The following SGCZ variants were observed in gnomAD, a reference collection of about 807,000 sequenced individuals.
SGCZ encodes zeta-sarcoglycan.
A neutral mutation model predicts 41.3 loss-of-function variants in SGCZ; 40 were observed. The observed-to-expected ratio is 0.97, with a 90% CI of 0.75 to 1.26. The LOEUF is 1.26. Among genes scored for constraint, SGCZ ranks in the 50% most tolerant of loss-of-function variants. SGCZ has a pLI of 0.00. For synonymous variants in SGCZ, 206 were observed against 137.5 expected (o/e 1.50, Z -3.49); for missense variants, 552 against 369.8 (o/e 1.49, Z -4.04).
At chr8:14,926,760 C>G (rs1022421021) in intron 1 of SGCZ, among the ~76,000 whole-genome samples, 2 of 152,038 alleles carry the variant, frequency 1.3e-5, no homozygotes, top group African/African-American at 4.8e-5. Flanking sequence ...CCTGCCTCAG[C>G]CTCCCAAGTA....
intron 4 of SGCZ, among the ~76,000 whole-genome samples, chr8:14,200,783 T>C (rs1227940566): frequency 1.3e-5 from 2 of 152,166 alleles, no homozygotes; most frequent in Non-Finnish European, 2.9e-5. Context: ...TGATGCATTC[T>C]AAAATGAATG....
At chr8:14,628,273 T>C (rs1429517058) in intron 1 of SGCZ, among the ~76,000 whole-genome samples, 3 of 152,078 alleles carry the variant, frequency 2.0e-5, no homozygotes, top group Admixed American at 1.3e-4. Flanking sequence ...AAATATTGTA[T>C]ACATCTCTTA....
chr8:14,196,044 A>G (rs1175442222), intron 4 of SGCZ, among the ~76,000 whole-genome samples: 1 of 152,104 alleles, frequency 6.6e-6, no homozygotes, highest in Non-Finnish European at 1.5e-5. Flanking sequence ...AACAAAAATA[A>G]TAATGTTTTG....
intron 1 of SGCZ, among the ~76,000 whole-genome samples, chr8:14,603,415 A>G (rs1021408249): frequency 7.9e-5 from 12 of 152,200 alleles, no homozygotes; most frequent in Non-Finnish European, 1.2e-4. Flanking sequence ...TGTTATCTAT[A>G]TAAAGATTTT....
chr8:14,111,057 TAATAACAAC>T (rs1156811060), intron 5 of SGCZ, among the ~76,000 whole-genome samples: 1 of 46,512 alleles, frequency 2.1e-5, no homozygotes, highest in Admixed American at 2.7e-4. Flanking sequence ...ATATTAAAAA[TAATAACAAC>T]AACAACAACA....
chr8:14,735,829 G>A (rs1002228105), intron 1 of SGCZ, among the ~76,000 whole-genome samples: 1 of 152,184 alleles, frequency 6.6e-6, no homozygotes, highest in African/African-American at 2.4e-5. Flanking sequence ...TGTAGCTTGT[G>A]CTATTAGGGA....
At chr8:14,167,172 T>A (rs1585195568) in intron 4 of SGCZ, among the ~76,000 whole-genome samples, 1 of 152,320 alleles carries the variant, frequency 6.6e-6, no homozygotes, top group East Asian at 1.9e-4. Flanking sequence ...ATATTTATGC[T>A]TAAAGTTAAT....
At chr8:14,258,822 G>A (rs1298582543) in intron 3 of SGCZ, among the ~76,000 whole-genome samples, 1 of 152,136 alleles carries the variant, frequency 6.6e-6, no homozygotes, top group African/African-American at 2.4e-5. Context: ...AGAAATAAAT[G>A]AGAAATAGGT....
chr8:14,594,222 AAAT>A (rs1805335055), intron 1 of SGCZ, among the ~76,000 whole-genome samples: 4 of 132,720 alleles, frequency 3.0e-5, no homozygotes, highest in East Asian at 2.3e-4. Flanking sequence ...ATAAATAAAT[AAAT>A]AAAATAAAAC....
intron 2 of SGCZ, among the ~76,000 whole-genome samples, chr8:14,410,414 G>T (rs965814592): frequency 1.6e-5 from 2 of 128,684 alleles, no homozygotes; most frequent in African/African-American, 3.2e-5. Flanking sequence ...AAAAAAAACA[G>T]AAAAGGCTGA....
intron 1 of SGCZ, among the ~76,000 whole-genome samples, chr8:15,162,979 G>A (rs977769108): frequency 1.3e-5 from 2 of 152,162 alleles, no homozygotes; most frequent in Admixed American, 6.6e-5. Flanking sequence ...TGCATAAAAT[G>A]TCTTGTGTCT....
At chr8:14,235,751 C>A (rs763900265) in intron 4 of SGCZ, among the ~76,000 whole-genome samples, 3 of 152,162 alleles carry the variant, frequency 2.0e-5, no homozygotes, top group Non-Finnish European at 4.4e-5. Flanking sequence ...GTGGCCCAAT[C>A]TCGGCTCACT....
chr8:14,135,169 G>C (rs193071578), intron 5 of SGCZ, among the ~76,000 whole-genome samples: 4 of 152,170 alleles, frequency 2.6e-5, no homozygotes, highest in African/African-American at 9.6e-5. Flanking sequence ...GAATATAATA[G>C]AGTACTAGGC....
intron 2 of SGCZ, among the ~76,000 whole-genome samples, chr8:14,441,090 C>A (rs1800248215): frequency 6.6e-6 from 1 of 152,130 alleles, no homozygotes; most frequent in South Asian, 2.1e-4. Context: ...GGACCGAAGT[C>A]TGGTCCTCTA....
At chr8:15,093,313 A>T (rs1463923293) in intron 1 of SGCZ, among the ~76,000 whole-genome samples, 1 of 152,232 alleles carries the variant, frequency 6.6e-6, no homozygotes, top group Non-Finnish European at 1.5e-5. Context: ...TGTACTTCTC[A>T]TCAGGAATTG....
At chr8:15,203,642 A>G (rs1266615353) in intron 1 of SGCZ, among the ~76,000 whole-genome samples, 1 of 152,232 alleles carries the variant, frequency 6.6e-6, no homozygotes, top group African/African-American at 2.4e-5. Context: ...TATTATAGCA[A>G]GTGATAAAAA....
At chr8:14,555,470 G>A (rs547238644) in intron 1 of SGCZ, among the ~76,000 whole-genome samples, 3 of 152,120 alleles carry the variant, frequency 2.0e-5, no homozygotes, top group Admixed American at 6.6e-5. Flanking sequence ...CATATAAGAC[G>A]TGTCTGTTTC....
At chr8:15,059,492 C>A (rs1035114237) in intron 1 of SGCZ, among the ~76,000 whole-genome samples, 1 of 152,054 alleles carries the variant, frequency 6.6e-6, no homozygotes. Context: ...AAAAGGGAAG[C>A]AATTAAAAAT....
At chr8:14,168,549 T>A (rs1804277215) in intron 4 of SGCZ, among the ~76,000 whole-genome samples, 1 of 152,124 alleles carries the variant, frequency 6.6e-6, no homozygotes, top group East Asian at 1.9e-4. Flanking sequence ...GCTCTTATCT[T>A]CCCGGCTGCC....
Sources: allele counts gnomAD v4.1 joint callset (sites outside exome capture counted in the v4.1 genomes callset), GRCh38; gene constraint gnomAD v4.1.1; transcripts MANE v1.5; gene names NCBI Gene and HGNC (gene_info 2026-07-23, HGNC 2026-07-21).